ZSWIM5: variants seen among roughly 807,000 people sequenced by gnomAD.
The protein encoded by ZSWIM5 is zinc finger SWIM-type containing 5.
Under a neutral mutation model 119.6 loss-of-function variants are expected in ZSWIM5, and 55 were observed. The observed-to-expected ratio is 0.46, with a 90% CI of 0.37 to 0.58. The LOEUF is 0.58. Among genes scored for constraint, ZSWIM5 ranks in the 20% least tolerant of loss-of-function variants. The probability of loss-of-function intolerance (pLI) is 0.00; values close to 1 mark genes in which losing one functional copy is unlikely to be tolerated. For synonymous variants in ZSWIM5, 537 were observed against 606.9 expected (o/e 0.88, Z 1.69); for missense variants, 1,193 against 1,512.8 (o/e 0.79, Z 3.51).
chr1:45,058,569 A>T lies in ZSWIM5; in HGVS notation c.1252+40T>A. On this transcript the variant is annotated intron_variant, in intron 4 of 13. Coordinates refer to ENST00000359600, the MANE Select transcript of ZSWIM5 (RefSeq NM_020883.2). ...ATAAACACTGTTGCCACAGGGCAAG[A>T]TGGTAGAACAAAGCACTTCTCTGAA... 1.9e-6 allele frequency: 3 copies of T among 1,612,072 alleles called. 1 individual carries two copies. The African/African-American group carries it at 4.0e-5, about 21-fold the overall frequency.
At chr1:45,082,623 T>C (rs1645300370) in intron 2 of ZSWIM5, among the ~76,000 whole-genome samples, 1 of 152,228 alleles carries the variant, frequency 6.6e-6, no homozygotes, top group African/African-American at 2.4e-5. Flanking sequence ...GTTACAGAAA[T>C]AGATCAGGAA....
At chr1:45,198,760 C>T (rs1646140970) in intron 1 of ZSWIM5, among the ~76,000 whole-genome samples, 2 of 152,198 alleles carry the variant, frequency 1.3e-5, no homozygotes, top group Admixed American at 1.3e-4. Context: ...GTAAAGAAGA[C>T]TGCATTGACA....
At chr1:45,117,166 C>T (rs1274514785) in intron 1 of ZSWIM5, among the ~76,000 whole-genome samples, 3 of 152,120 alleles carry the variant, frequency 2.0e-5, no homozygotes, top group African/African-American at 7.2e-5. Context: ...AGACCCGAAT[C>T]AGAAGGAGCA....
chr1:45,143,171 CA>C (rs60638239), intron 1 of ZSWIM5, among the ~76,000 whole-genome samples: 176 of 60,598 alleles, frequency 2.9e-3, no homozygotes, highest in African/African-American at 7.9e-3. Flanking sequence ...GACTCTGTCT[CA>C]AAAAAAAAAA....
intron 1 of ZSWIM5, among the ~76,000 whole-genome samples, chr1:45,187,135 G>A (rs558524707): frequency 6.6e-6 from 1 of 152,248 alleles, no homozygotes; most frequent in South Asian, 2.1e-4. Context: ...TCAAGGGAAT[G>A]AGAATAGCCA....
intron 2 of ZSWIM5, among the ~76,000 whole-genome samples, chr1:45,067,534 C>T (rs12408831): frequency 3.3e-5 from 5 of 151,704 alleles, no homozygotes; most frequent in Non-Finnish European, 7.4e-5. Flanking sequence ...ACTGAGATTG[C>T]CTACAGAGAT....
chr1:45,168,307 C>G lies in ZSWIM5; in HGVS notation c.595+37449G>C, dbSNP rs532242430. 5.9e-5 allele frequency among the ~76,000 whole-genome samples: 9 copies of G among 151,860 alleles called. No homozygotes were observed. The South Asian group carries it at 1.9e-3, about 32-fold the overall frequency. ...CTTGGACACAGGGTTGGGAACACCA[C>G]ACACCAGGGCCTGTCGTGGGCTGGG... On this transcript the variant is annotated intron_variant, in intron 1 of 13. Transcript: ENST00000359600.
At chr1:45,186,737 G>A (rs1383282447) in intron 1 of ZSWIM5, among the ~76,000 whole-genome samples, 6 of 152,086 alleles carry the variant, frequency 3.9e-5, no homozygotes, top group African/African-American at 1.4e-4. Context: ...TTACAGGCGT[G>A]CACCACCATG....
chr1:45,135,014 G>A (rs562594393), intron 1 of ZSWIM5, among the ~76,000 whole-genome samples: 17 of 151,968 alleles, frequency 1.1e-4, no homozygotes, highest in African/African-American at 3.9e-4. Context: ...TCCACCTCTT[G>A]TCTATTGTGA....
chr1:45,063,530 C>A (rs563915060), intron 2 of ZSWIM5, among the ~76,000 whole-genome samples: 1 of 152,092 alleles, frequency 6.6e-6, no homozygotes, highest in Non-Finnish European at 1.5e-5. Context: ...TCTTGTCTTC[C>A]CCTACACTTA....
intron 1 of ZSWIM5, among the ~76,000 whole-genome samples, chr1:45,110,494 T>C (rs1645509937): frequency 6.6e-6 from 1 of 152,144 alleles, no homozygotes; most frequent in Non-Finnish European, 1.5e-5. Context: ...GAAATGAATA[T>C]GCAGAGTCCT....
At chr1:45,166,269 C>T (rs923027933) in intron 1 of ZSWIM5, among the ~76,000 whole-genome samples, 2 of 151,990 alleles carry the variant, frequency 1.3e-5, no homozygotes, top group African/African-American at 4.8e-5. Flanking sequence ...CTTCAACAGC[C>T]CTTCATGCTA....
chr1:45,149,280 A>C (rs925567841), intron 1 of ZSWIM5, among the ~76,000 whole-genome samples: 6 of 152,206 alleles, frequency 3.9e-5, no homozygotes, highest in Non-Finnish European at 7.3e-5. Context: ...TAAAAGAAAA[A>C]CAAAAACATG....
chr1:45,171,510 C>T (rs1645946081), intron 1 of ZSWIM5, among the ~76,000 whole-genome samples: 1 of 152,064 alleles, frequency 6.6e-6, no homozygotes, highest in South Asian at 2.1e-4. Context: ...GTTTTACAGC[C>T]TATCAAAATC....
At chr1:45,031,579 C>A (rs1377702729) in intron 11 of ZSWIM5, among the ~76,000 whole-genome samples, 1 of 151,926 alleles carries the variant, frequency 6.6e-6, no homozygotes, top group African/African-American at 2.4e-5. Flanking sequence ...GTGGCTAACG[C>A]CTGTAATCCC....
At position 45,043,213 on chromosome 1, in the gene ZSWIM5, A is replaced by C; in HGVS notation, c.1609+6T>G. The C allele has an allele frequency of 6.2e-7, 1 of 1,612,954 alleles. No homozygotes were observed. The highest frequency in any genetic ancestry group is 8.5e-7 in the Non-Finnish European group (1 of 1,179,854). On this transcript the variant is annotated splice_donor_region_variant and intron_variant, in intron 6 of 13. Transcript: ENST00000359600. ...TCTAAAGTTCTTAGAGGAGGGCTAGACTTACCAAGCCACAGTGGCTGGCCT... is the reference window on the plus strand; with the variant it reads ...TCTAAAGTTCTTAGAGGAGGGCTAGCCTTACCAAGCCACAGTGGCTGGCCT...
intron 1 of ZSWIM5, among the ~76,000 whole-genome samples, chr1:45,180,297 G>A (rs562971615): frequency 3.2e-4 from 49 of 152,296 alleles, no homozygotes; most frequent in Non-Finnish European, 6.3e-4. Flanking sequence ...CACCTGGCTC[G>A]GAGGGTCCTA....
intron 2 of ZSWIM5, among the ~76,000 whole-genome samples, chr1:45,066,497 T>C (rs1645184692): frequency 1.3e-5 from 2 of 152,128 alleles, no homozygotes; most frequent in Non-Finnish European, 2.9e-5. Context: ...GAAGAATAAA[T>C]AGGAGTTAGC....
chr1:45,022,139 A>T (rs72887067), intron 11 of ZSWIM5, among the ~76,000 whole-genome samples: 10,178 of 53,560 alleles, frequency 0.19, 1,274 homozygotes, highest in African/African-American at 0.39. Context: ...ATTTTATTTT[A>T]TTTTTTTTTG....
Sources: allele counts gnomAD v4.1 joint callset (sites outside exome capture counted in the v4.1 genomes callset), GRCh38; gene constraint gnomAD v4.1.1; transcripts MANE v1.5; gene names NCBI Gene and HGNC (gene_info 2026-07-23, HGNC 2026-07-21).